Variants in THSD7A observed in about 807,000 individuals in gnomAD.
THSD7A encodes thrombospondin type 1 domain containing 7A.
Under a neutral mutation model 231.3 loss-of-function variants are expected in THSD7A, and 96 were observed. The ratio of observed to expected loss-of-function variants is 0.41; its 90% CI spans 0.35 to 0.49. THSD7A has a LOEUF of 0.49. Ranked by LOEUF, THSD7A falls within the 20% of genes least tolerant of loss-of-function variation. The pLI is 0.05. For missense variants in THSD7A, 2,290 were observed against 2,070.2 expected, an observed-to-expected ratio of 1.11 and a Z score of -2.06; for synonymous variants, 940 against 743.3, an observed-to-expected ratio of 1.26 and a Z score of -4.30.
chr7:11,401,699 A>C, intron 23 of THSD7A, 96 bp downstream of exon 23: 1 of 1,188,106 alleles, frequency 8.4e-7, no homozygotes, highest in Non-Finnish European at 1.1e-6. Context: ...GGCGTGAGCC[A>C]CCGCACGTGG....
chr7:11,477,688 A>T (rs1786249809), intron 7 of THSD7A, among the ~76,000 whole-genome samples: 1 of 152,094 alleles, frequency 6.6e-6, no homozygotes. Flanking sequence ...TTTACTTTCT[A>T]CCACAAGATC....
At chr7:11,809,940 G>A (rs915278481) in intron 1 of THSD7A, among the ~76,000 whole-genome samples, 4 of 152,076 alleles carry the variant, frequency 2.6e-5, no homozygotes, top group Non-Finnish European at 4.4e-5. Context: ...TAGAACAATG[G>A]GCTGTATAAG....
intron 14 of THSD7A, among the ~76,000 whole-genome samples, chr7:11,428,535 G>C (rs77676818): frequency 0.041 from 6,193 of 152,026 alleles, 428 homozygotes; most frequent in African/African-American, 0.14. Flanking sequence ...CCTAATTTTA[G>C]ACCAAAACCC....
rs13221336 is a variant in THSD7A at position 11,400,077 on chromosome 7, C to G, written c.4411+1718G>C. ...ATGGCAAGGACGAAAAACCAAACAC[C>G]GCATGTTCTCACTCATAGGTGGGAA... On this transcript the variant is annotated intron_variant, in intron 23 of 27. Transcript: ENST00000423059. 4.7e-5 allele frequency among the ~76,000 whole-genome samples: 7 copies of G among 150,082 alleles called. 1 individual carries two copies. The highest frequency in any genetic ancestry group is 1.3e-4 in the Admixed American group (2 of 14,954).
intron 23 of THSD7A, chr7:11,385,649 A>T (rs1782710125): frequency 6.6e-6 from 1 of 151,964 alleles, no homozygotes; most frequent in South Asian, 2.1e-4. Context: ...AATTATAGTC[A>T]TATTATTAAA....
chr7:11,681,623 A>C lies in THSD7A; in HGVS notation c.191-44662T>G, dbSNP rs537600298. On this transcript the variant is annotated intron_variant, in intron 1 of 27. Transcript: ENST00000423059. ...AACTATGGGATGATGCAAAGAGAAC[A>C]AACCTACGACTCACTGACATTCCCA... Among the ~76,000 whole-genome samples, 20 of 152,180 alleles carry C rather than the reference A, an allele frequency of 1.3e-4. No homozygotes were observed. The South Asian group carries it at 4.1e-3, about 32-fold the overall frequency.
In THSD7A at chr7:11,444,069, T is replaced by C. The variant is rs1784886124; in HGVS notation, c.3064+1992A>G. On this transcript the variant is annotated intron_variant, in intron 13 of 27. Transcript: ENST00000423059. The surrounding 1 kb of genome is among the most constrained non-coding windows in gnomAD (Gnocchi z 4.2). ...AAAAAAAGCTCATCATCACTGGTCATTAGAGAAATGCAAATCAAAACCACA... is the reference window on the plus strand; with the variant it reads ...AAAAAAAGCTCATCATCACTGGTCACTAGAGAAATGCAAATCAAAACCACA... 6.6e-6 allele frequency among the ~76,000 whole-genome samples: 1 copy of C among 152,052 alleles called. No homozygotes were observed. Among genetic ancestry groups the C allele is most frequent in the African/African-American group, 2.4e-5 (1 of 41,404 alleles).
chr7:11,784,234 G>T (rs528183098), intron 1 of THSD7A, among the ~76,000 whole-genome samples: 18 of 151,072 alleles, frequency 1.2e-4, no homozygotes, highest in African/African-American at 4.4e-4. Context: ...ACATATATAT[G>T]TATGTGTGTG....
chr7:11,769,133 A>ATTTTTTTTTTTTTTTTTT (rs1783129368), intron 1 of THSD7A, among the ~76,000 whole-genome samples: 1 of 35,748 alleles, frequency 2.8e-5, no homozygotes, highest in African/African-American at 8.8e-5. Flanking sequence ...ATATATATAT[A>ATTTTTTTTTTTTTTTTTT]TATATATATA....
At chr7:11,749,016 T>A (rs1172473747) in intron 1 of THSD7A, among the ~76,000 whole-genome samples, 2 of 151,858 alleles carry the variant, frequency 1.3e-5, no homozygotes, top group African/African-American at 4.8e-5. Context: ...CACCCCAAGA[T>A]CCGTCCACCA....
intron 1 of THSD7A, among the ~76,000 whole-genome samples, chr7:11,813,142 T>C (rs948398379): frequency 2.0e-5 from 3 of 152,216 alleles, no homozygotes; most frequent in Non-Finnish European, 4.4e-5. Context: ...TGATAAGTCA[T>C]GAGAGCTCTG....
In THSD7A at chr7:11,808,723, T is replaced by C. The variant is rs144121420; in HGVS notation, c.190+23034A>G. 6.2e-3 allele frequency among the ~76,000 whole-genome samples: 943 copies of C among 152,252 alleles called. 10 individuals are homozygous for C. Among genetic ancestry groups the C allele is most frequent in the African/African-American group, 0.021 (865 of 41,548 alleles). ...TTACTAGTACATGTATAAACTATAATAATTTGACAATCTGTATCAAGAATC... is the reference window on the plus strand; with the variant it reads ...TTACTAGTACATGTATAAACTATAACAATTTGACAATCTGTATCAAGAATC... On this transcript the variant is annotated intron_variant, in intron 1 of 27. Transcript: ENST00000423059.
At position 11,474,631 on chromosome 7, in the gene THSD7A, G is replaced by A; in HGVS notation, c.2018-63C>T. On this transcript the variant is annotated intron_variant, in intron 7 of 27. Transcript: ENST00000423059. This position sits in a 1 kb window ranked among gnomAD's most constrained non-coding sequence, Gnocchi z 4.1. ...GCCAACAGGAACCTTACCATACTCTGTTCTTTGGAATTAACATGGCTTAGA... is the reference window on the plus strand; with the variant it reads ...GCCAACAGGAACCTTACCATACTCTATTCTTTGGAATTAACATGGCTTAGA... The A allele has an allele frequency of 5.3e-6, 7 of 1,320,070 alleles. No individual in the cohort carries two copies. The highest frequency in any genetic ancestry group is 6.2e-6 in the Non-Finnish European group (6 of 960,310). The allele number at this position is 1,320,070 out of a possible 1,614,324, so 81.8% of individuals were successfully genotyped here. A position where few individuals can be genotyped will look rare whatever the true frequency, so the allele number is the denominator to read the frequency against.
rs1346680137 is a variant in THSD7A at position 11,637,605 on chromosome 7, T to G, written c.191-644A>C. Among the ~76,000 whole-genome samples the G allele has an allele frequency of 6.6e-6, 1 of 152,118 alleles. No individual in the cohort carries two copies. The highest frequency in any genetic ancestry group is 1.5e-5 in the Non-Finnish European group (1 of 68,020). On this transcript the variant is annotated intron_variant, in intron 1 of 27. Coordinates refer to ENST00000423059, the MANE Select transcript of THSD7A (RefSeq NM_015204.3). The surrounding 1 kb of genome is among the most constrained non-coding windows in gnomAD (Gnocchi z 4.2). The stretch of plus-strand genomic sequence containing the variant: ...CCAAATTTCCCCCCCATTTCCCAAG[T>G]GAAGTATAGAGCTGGGTAAGGGAAT...
chr7:11,437,186 A>G (rs754054914), intron 13 of THSD7A, among the ~76,000 whole-genome samples: 5 of 152,082 alleles, frequency 3.3e-5, no homozygotes, highest in Non-Finnish European at 7.4e-5. Context: ...GAAGTAGTAG[A>G]TGAGTTGAGG....
intron 2 of THSD7A, among the ~76,000 whole-genome samples, chr7:11,616,536 T>C (rs1781107106): frequency 1.3e-5 from 2 of 152,190 alleles, no homozygotes; most frequent in African/African-American, 4.8e-5. Flanking sequence ...AATAATTTAA[T>C]ATATAAAAGC....
At chr7:11,775,812 A>C (rs1480604339) in intron 1 of THSD7A, among the ~76,000 whole-genome samples, 1 of 152,182 alleles carries the variant, frequency 6.6e-6, no homozygotes, top group Non-Finnish European at 1.5e-5. Context: ...TACAATAAAA[A>C]ATGGTTAAAG....
intron 24 of THSD7A, 151 bp from the exon 25 acceptor site, chr7:11,379,863 C>G: frequency 1.2e-6 from 1 of 800,482 alleles, no homozygotes; most frequent in South Asian, 1.7e-5. Flanking sequence ...TTTGGTTAAC[C>G]TTGACCACCT....
chr7:11,754,207 A>C (rs1782601852), intron 1 of THSD7A, among the ~76,000 whole-genome samples: 1 of 152,054 alleles, frequency 6.6e-6, no homozygotes, highest in Admixed American at 6.6e-5. Flanking sequence ...AAAGAAGTAA[A>C]AGTATGAAAA....
Sources: allele counts gnomAD v4.1 joint callset (sites outside exome capture counted in the v4.1 genomes callset), GRCh38; gene constraint gnomAD v4.1.1; non-coding constraint Gnocchi (gnomAD v3.1); transcripts MANE v1.5; gene names NCBI Gene and HGNC (gene_info 2026-07-23, HGNC 2026-07-21).